Variants in FGFR1OP2 observed in about 807,000 individuals in gnomAD.
The protein encoded by FGFR1OP2 is fibroblast growth factor receptor 1 oncogene partner 2.
A neutral mutation model predicts 35.2 loss-of-function variants in FGFR1OP2; 17 were observed. The ratio of observed to expected loss-of-function variants is 0.48; its 90% CI spans 0.33 to 0.73. The LOEUF (loss-of-function observed/expected upper bound fraction) is 0.73. Ranked by LOEUF, FGFR1OP2 falls within the 30% of genes least tolerant of loss-of-function variation. FGFR1OP2 has a pLI of 0.02. For missense variants in FGFR1OP2, 251 were observed against 307.3 expected (o/e 0.82, Z 1.37); for synonymous variants, 105 against 104.6 (o/e 1.00, Z -0.03).
chr12:26,962,450 TATG>T (rs1339451419), intron 5 of FGFR1OP2: 1 of 152,210 alleles, frequency 6.6e-6, no homozygotes, highest in Non-Finnish European at 1.5e-5. Context: ...TTAGGCTTAA[TATG>T]ATAAAATACC....
intron 2 of FGFR1OP2, among the ~76,000 whole-genome samples, chr12:26,955,878 T>A (rs1468973226): frequency 6.6e-6 from 1 of 152,182 alleles, no homozygotes; most frequent in East Asian, 1.9e-4. Context: ...CTGTTAAAAT[T>A]TTTTGAGGAT....
rs1037449355 is a variant in FGFR1OP2, at chr12:26,953,090, C to A, written c.-14-1055C>A. ...ATCCTGGCTAACACAGTGAAACCCC[C>A]GACTCTACTAAAAATACAAAAAAAT... On this transcript the variant is annotated intron_variant, in intron 1 of 6. Coordinates refer to ENST00000229395, the MANE Select transcript of FGFR1OP2 (RefSeq NM_015633.3). Among the ~76,000 whole-genome samples, 8 of 151,648 alleles carry A rather than the reference C, an allele frequency of 5.3e-5. No individual in the cohort carries two copies. The East Asian group carries it at 1.6e-3, about 29-fold the overall frequency.
chr12:26,943,818 A>ACT (rs1300450151), intron 1 of FGFR1OP2, among the ~76,000 whole-genome samples: 3 of 151,796 alleles, frequency 2.0e-5, no homozygotes, highest in African/African-American at 7.3e-5. Flanking sequence ...ACAGACTAAG[A>ACT]CTCTGTCTCA....
At chr12:26,938,752 G>A (rs1305172152) in intron 1 of FGFR1OP2, 42 bp downstream of exon 1, 2 of 152,398 alleles carry the variant, frequency 1.3e-5, no homozygotes, top group East Asian at 3.9e-4. Context: ...GGGTGGGCGA[G>A]TCGGAGGCGT....
intron 1 of FGFR1OP2, among the ~76,000 whole-genome samples, chr12:26,953,254 CGAGACTGTGTCTCCAA>C (rs1938963931): frequency 8.9e-6 from 1 of 112,400 alleles, no homozygotes; most frequent in Admixed American, 1.3e-4. Context: ...GGCGACAGAG[CGAGACTGTGTCTCCAA>C]AAAAAAAAAA....
intron 5 of FGFR1OP2, chr12:26,961,349 G>A (rs1272693494): frequency 2.0e-5 from 3 of 152,274 alleles, no homozygotes; most frequent in African/African-American, 7.2e-5. Flanking sequence ...TTTTATAAAA[G>A]TGCTGCCCTA....
chr12:26,941,099 A>T (rs1030746149), intron 1 of FGFR1OP2, among the ~76,000 whole-genome samples: 9 of 151,096 alleles, frequency 6.0e-5, no homozygotes, highest in South Asian at 2.1e-4. Context: ...AGAAAAAAAA[A>T]TTTTTTAACT....
At chr12:26,942,962 A>T (rs1357461461) in intron 1 of FGFR1OP2, among the ~76,000 whole-genome samples, 1 of 149,406 alleles carries the variant, frequency 6.7e-6, no homozygotes, top group Admixed American at 6.6e-5. Flanking sequence ...GGTCCAGTTT[A>T]TCAAATTTTT....
intron 2 of FGFR1OP2, among the ~76,000 whole-genome samples, chr12:26,955,772 C>T (rs990261895): frequency 1.3e-5 from 2 of 152,144 alleles, no homozygotes; most frequent in African/African-American, 2.4e-5. Context: ...GAATATGCTG[C>T]TATGAATATT....
At chr12:26,942,510 C>G (rs1938752780) in intron 1 of FGFR1OP2, among the ~76,000 whole-genome samples, 1 of 152,136 alleles carries the variant, frequency 6.6e-6, no homozygotes, top group Admixed American at 6.6e-5. Flanking sequence ...TCTAGAGATC[C>G]ATTTGGATAG....
intron 1 of FGFR1OP2, among the ~76,000 whole-genome samples, chr12:26,951,248 A>G (rs1177548827): frequency 3.3e-5 from 5 of 151,754 alleles, no homozygotes; most frequent in African/African-American, 1.2e-4. Flanking sequence ...ACTGGGTTTA[A>G]GTGATTCTCC....
At position 26,963,351 on chromosome 12, in the gene FGFR1OP2, G is replaced by A. The variant is rs1939131147; in HGVS notation, c.520G>A (p.Ala174Thr). ...HLEANQNELQ[A>T]HVDQITEMAA... is the part of the protein sequence containing the mutation. ...CATCCCTCTTTTTCAGGAACTGCAA[G>A]CACATGTTGACCAGATAACTGAAAT... is the stretch of plus-strand genomic sequence containing the variant. The change falls in exon 6 of 7, where the codon GCA (alanine) becomes ACA (threonine). Residue 174 changes from alanine to threonine, a missense_variant. By Grantham distance (58) the Ala-to-Thr change is moderately conservative. Transcript: ENST00000229395. 3 of 1,598,984 alleles carry A rather than the reference G, an allele frequency of 1.9e-6. No homozygotes were observed. The highest frequency in any genetic ancestry group is 2.2e-5 in the East Asian group (1 of 44,506).
chr12:26,954,263 T>G lies in FGFR1OP2; in HGVS notation c.105T>G (p.Ala35=), dbSNP rs1193809060. The change falls in exon 2 of 7, where the codon GCT becomes GCG. Residue 35 remains alanine, a synonymous_variant. Coordinates refer to ENST00000229395, the MANE Select transcript of FGFR1OP2 (RefSeq NM_015633.3). Reference sequence around the variant, plus strand: ...AATCTCTGATTGAGCAAACCACAGCTCTCAACAAGCGAGTAGAAGCCATGA... The same window carrying G: ...AATCTCTGATTGAGCAAACCACAGCGCTCAACAAGCGAGTAGAAGCCATGA... ...AAESLIEQTT[A]LNKRVEAMKQ... 1 of 1,609,860 alleles carries G rather than the reference T, an allele frequency of 6.2e-7. No individual in the cohort carries two copies. The highest frequency in any genetic ancestry group is 1.1e-5 in the South Asian group (1 of 90,134).
chr12:26,957,227 C>G (rs1039493807), intron 3 of FGFR1OP2, among the ~76,000 whole-genome samples: 1 of 152,190 alleles, frequency 6.6e-6, no homozygotes, highest in Non-Finnish European at 1.5e-5. Flanking sequence ...TGTACTTCTA[C>G]AAAGCTTCCA....
chr12:26,944,742 T>A (rs961731716), intron 1 of FGFR1OP2, among the ~76,000 whole-genome samples: 5 of 152,232 alleles, frequency 3.3e-5, no homozygotes, highest in African/African-American at 1.2e-4. Context: ...TTACAAGTAT[T>A]TCCTTTTCTA....
At chr12:26,964,002 T>C (rs1939139074) in intron 6 of FGFR1OP2, among the ~76,000 whole-genome samples, 1 of 152,158 alleles carries the variant, frequency 6.6e-6, no homozygotes, top group African/African-American at 2.4e-5. Flanking sequence ...GATAAAGTGA[T>C]AGAGAACAAA....
chr12:26,939,982 C>A (rs892558289), intron 1 of FGFR1OP2, among the ~76,000 whole-genome samples: 1 of 152,184 alleles, frequency 6.6e-6, no homozygotes, highest in African/African-American at 2.4e-5. Context: ...AATACACATG[C>A]AATTGGACTT....
Position 26,965,736 on chromosome 12 carries a change from C to T in FGFR1OP2, c.*1003C>T, listed in dbSNP as rs1939167336. On this transcript the variant is annotated 3_prime_UTR_variant, in exon 7 of 7. Coordinates refer to ENST00000229395, the MANE Select transcript of FGFR1OP2 (RefSeq NM_015633.3). The stretch of plus-strand genomic sequence containing the variant: ...TTAAGCTCCATCTGGTCCTCATAAC[C>T]TGCAAGATTTTTCTTAAAACCTTTC... 1 of 151,478 alleles carries T rather than the reference C, an allele frequency of 6.6e-6. No homozygotes were observed. Among genetic ancestry groups the T allele is most frequent in the African/African-American group, 2.4e-5 (1 of 41,246 alleles). The allele number at this position is 151,478 out of a possible 1,614,324, so 9.4% of individuals were successfully genotyped here.
chr12:26,960,648 A>G lies in FGFR1OP2; in HGVS notation c.510+20A>G. The G allele has an allele frequency of 3.7e-6, 6 of 1,604,686 alleles. No homozygotes were observed. Among genetic ancestry groups the G allele is most frequent in the Non-Finnish European group, 5.1e-6 (6 of 1,174,466 alleles). ...CAGAATGTACACTAAATAAACAGTC[A>G]ACTTTTGGGGTGTGGATGGAAGGGG... is the stretch of plus-strand genomic sequence containing the variant. On this transcript the variant is annotated intron_variant, in intron 5 of 6. Transcript: ENST00000229395.
Sources: gnomAD v4.1 joint callset for allele counts (sites outside exome capture counted in the v4.1 genomes callset) on GRCh38, gnomAD v4.1.1 for gene constraint, MANE v1.5 for transcripts, NCBI Gene and HGNC (gene_info 2026-07-23, HGNC 2026-07-21) for gene names.